The following SCLT1 variants were observed in gnomAD, a reference collection of about 807,000 sequenced individuals.
The protein encoded by SCLT1 is sodium channel and clathrin linker 1.
In SCLT1, 78 loss-of-function variants were observed where a neutral mutation model predicts 112.8. The ratio of observed to expected loss-of-function variants is 0.69; its 90% confidence interval spans 0.58 to 0.83. The LOEUF (loss-of-function observed/expected upper bound fraction) is 0.83, where lower values mean the gene tolerates loss of function less well. Among genes scored for constraint, SCLT1 ranks in the 40% least tolerant of loss-of-function variants. The probability of loss-of-function intolerance (pLI) is 0.00; values close to 1 mark genes in which losing one functional copy is unlikely to be tolerated. For synonymous variants in SCLT1, 257 were observed against 254.7 expected (o/e 1.01, Z -0.09); for missense variants, 747 against 770.4 (o/e 0.97, Z 0.36).
intron 4 of SCLT1, chr4:128,874,900 G>A (rs779155986): frequency 6.6e-6 from 1 of 151,846 alleles, no homozygotes; most frequent in African/African-American, 2.4e-5. Context: ...TATGTGTTGT[G>A]TACAAATCTT....
chr4:128,999,647 A>G (rs1299304691), intron 7 of SCLT1, 25 bp downstream of exon 7: 6 of 1,587,298 alleles, frequency 3.8e-6, no homozygotes, highest in Non-Finnish European at 5.2e-6. Flanking sequence ...TTGATATACA[A>G]GAAAATGATG....
intron 5 of SCLT1, chr4:128,873,249 GAAAAAGGAAAAAAAAAAA>G (rs1732322572): frequency 9.3e-5 from 1 of 10,702 alleles, no homozygotes; most frequent in Non-Finnish European, 2.1e-4. Flanking sequence ...GATTCCTTAA[GAAAAAGGAAAAAAAAAAA>G]AAAAAGAAAA....
intron 9 of SCLT1, among the ~76,000 whole-genome samples, chr4:128,981,106 C>T (rs967084380): frequency 5.9e-5 from 9 of 152,138 alleles, no homozygotes; most frequent in Non-Finnish European, 1.2e-4. Flanking sequence ...TCCACGCCTT[C>T]CAGGGGCTCA....
intron 2 of SCLT1, among the ~76,000 whole-genome samples, chr4:129,058,547 T>C (rs1163403855): frequency 1.3e-5 from 2 of 152,238 alleles, no homozygotes; most frequent in Non-Finnish European, 2.9e-5. Flanking sequence ...TACTGAATTA[T>C]AGTTTTATTC....
rs768560579 is a variant in SCLT1, at chr4:128,980,370, C to T, written c.687-9902G>A. On this transcript the variant is annotated intron_variant, in intron 9 of 20. Coordinates refer to ENST00000281142, the MANE Select transcript of SCLT1 (RefSeq NM_144643.4). ...ATAGTATATAAAAATTATCAGCACA[C>T]ACATTTTTAAAGAAAAAATATGCAT... is the stretch of plus-strand genomic sequence containing the variant. Among the ~76,000 whole-genome samples, 530 of 152,178 alleles carry T rather than the reference C, an allele frequency of 3.5e-3. 6 individuals are homozygous for T. The highest frequency in any genetic ancestry group is 0.01 in the Middle Eastern group (3 of 294).
chr4:128,959,817 T>TA lies in SCLT1; in HGVS notation c.870-41dup, dbSNP rs771293026. The TA allele has an allele frequency of 3.3e-6, 5 of 1,522,002 alleles. No individual in the cohort carries two copies. The Admixed American group carries it at 8.6e-5, about 26-fold the overall frequency. The allele number at this position is 1,522,002 out of a possible 1,614,324, so 94.3% of individuals were successfully genotyped here. On this transcript the variant is annotated intron_variant, in intron 11 of 20. Coordinates refer to ENST00000281142, the MANE Select transcript of SCLT1 (RefSeq NM_144643.4). The stretch of plus-strand genomic sequence containing the variant: ...TTACACTGGGAAAGTTAAACTTTTT[T>TA]AAAGGGAAGGAGGGAGATTTACTGA...
intron 2 of SCLT1, among the ~76,000 whole-genome samples, chr4:129,046,992 T>C (rs2125704466): frequency 6.6e-6 from 1 of 152,246 alleles, no homozygotes; most frequent in Admixed American, 6.6e-5. Context: ...TGGGTAATTG[T>C]TTTAGTTATT....
In SCLT1 at chr4:129,093,422, T is replaced by C; in HGVS notation, c.-319A>G. On this transcript the variant is annotated 5_prime_UTR_variant, in exon 1 of 21. Coordinates refer to ENST00000281142, the MANE Select transcript of SCLT1 (RefSeq NM_144643.4). Reference sequence around the variant, plus strand: ...TCACTCTGGGTCTCGTCGGGCCACCTAGGAGAGTGCCGCGGGAGCTTGACG... The same window carrying C: ...TCACTCTGGGTCTCGTCGGGCCACCCAGGAGAGTGCCGCGGGAGCTTGACG... The C allele has an allele frequency of 2.9e-6, 1 of 339,660 alleles. No homozygotes were observed. The allele number at this position is 339,660 out of a possible 1,614,324, so 21.0% of individuals were successfully genotyped here.
rs753482181 is a variant in SCLT1 at position 128,943,028 on chromosome 4, CA to C, written c.1599del (p.Ile533MetfsTer11). ...TTGGCTTTTTTTTGAGCCTCCAGGG[CA>C]ATCTTCCTTAAACTCTCAGTCTCTT... ...LRKETESLRK[I>X]ALEAQKKAKV... On this transcript the variant is annotated frameshift_variant, in exon 17 of 21. Transcript: ENST00000281142. LOFTEE classifies it high-confidence loss of function. The C allele has an allele frequency of 6.2e-7, 1 of 1,611,710 alleles. No homozygotes were observed. The highest frequency in any genetic ancestry group is 1.1e-5 in the South Asian group (1 of 90,608).
intron 5 of SCLT1, among the ~76,000 whole-genome samples, chr4:129,031,569 T>C (rs1384373701): frequency 6.6e-6 from 1 of 152,126 alleles, no homozygotes; most frequent in African/African-American, 2.4e-5. Flanking sequence ...AACCCCATCG[T>C]ATCAGCCCAG....
chr4:128,874,438 T>C (rs1309830316), exon 5 of SCLT1: 1 of 152,320 alleles, frequency 6.6e-6, no homozygotes, highest in African/African-American at 2.4e-5. Flanking sequence ...ACATTTAGGT[T>C]GAAAAGCTTT....
downstream of SCLT1, among the ~76,000 whole-genome samples, chr4:128,879,121 G>C (rs1293279785): frequency 1.3e-5 from 2 of 148,894 alleles, no homozygotes; most frequent in African/African-American, 5.0e-5. Flanking sequence ...AGAACTTAAA[G>C]TATTAAAAAA....
intron 5 of SCLT1, among the ~76,000 whole-genome samples, chr4:129,019,479 GGATA>G (rs1216939071): frequency 6.6e-6 from 1 of 152,060 alleles, no homozygotes; most frequent in Non-Finnish European, 1.5e-5. Context: ...GGGAAAAGGG[GGATA>G]GTTAGTGAAT....
chr4:129,056,566 T>C (rs1039034321), intron 2 of SCLT1, among the ~76,000 whole-genome samples: 1 of 152,242 alleles, frequency 6.6e-6, no homozygotes, highest in African/African-American at 2.4e-5. Flanking sequence ...GTAAATTTAT[T>C]CTTAGATATT....
chr4:129,091,435 T>C (rs1350843871), intron 1 of SCLT1, among the ~76,000 whole-genome samples: 1 of 151,996 alleles, frequency 6.6e-6, no homozygotes, highest in South Asian at 2.1e-4. Flanking sequence ...GGTATTTGGA[T>C]CTCAGTTTTA....
At chr4:128,958,205 T>C (rs1160207442) in intron 12 of SCLT1, among the ~76,000 whole-genome samples, 1 of 152,164 alleles carries the variant, frequency 6.6e-6, no homozygotes, top group Admixed American at 6.5e-5. Context: ...CATACACATT[T>C]TTACCTCTGT....
intron 9 of SCLT1, among the ~76,000 whole-genome samples, chr4:128,976,823 A>T (rs1306029863): frequency 6.6e-6 from 1 of 152,212 alleles, no homozygotes; most frequent in Admixed American, 6.5e-5. Flanking sequence ...GAAACAAGAT[A>T]AGCACAAGCA....
chr4:128,982,115 G>T (rs1741709138), intron 9 of SCLT1, among the ~76,000 whole-genome samples: 1 of 152,102 alleles, frequency 6.6e-6, no homozygotes, highest in Non-Finnish European at 1.5e-5. Flanking sequence ...ATCAGGAATT[G>T]GATGGTACAA....
intron 2 of SCLT1, among the ~76,000 whole-genome samples, chr4:129,048,245 A>T (rs900649933): frequency 2.6e-5 from 4 of 151,896 alleles, no homozygotes; most frequent in Non-Finnish European, 5.9e-5. Context: ...AAGGCTACAG[A>T]AACCAAAACA....
Sources: allele counts gnomAD v4.1 joint callset (sites outside exome capture counted in the v4.1 genomes callset), GRCh38; gene constraint gnomAD v4.1.1; transcripts MANE v1.5; gene names NCBI Gene and HGNC (gene_info 2026-07-23, HGNC 2026-07-21).